The following TNK2 variants were observed in gnomAD, a reference collection of about 807,000 sequenced individuals.
TNK2 encodes tyrosine kinase non receptor 2.
TNK2 carries 83 observed loss-of-function variants against 101.8 expected under a neutral mutation model. That is an observed-to-expected ratio of 0.82 (90% CI 0.68 to 0.98). The LOEUF (loss-of-function observed/expected upper bound fraction) is 0.98. TNK2 is among the 50% of genes least tolerant of loss of function. The pLI is 0.00. For synonymous variants in TNK2, 804 were observed against 633.0 expected (o/e 1.27, Z -4.06); for missense variants, 1,665 against 1,483.2 (o/e 1.12, Z -2.01).
chr3:195,878,867 A>G lies in TNK2; in HGVS notation c.1014+182T>C, dbSNP rs1560506433. 2.0e-5 allele frequency among the ~76,000 whole-genome samples: 3 copies of G among 152,176 alleles called. No individual in the cohort carries two copies. Among genetic ancestry groups the G allele is most frequent in the Non-Finnish European group, 4.4e-5 (3 of 68,026 alleles). On this transcript the variant is annotated intron_variant, in intron 7 of 15. Transcript: ENST00000672887. The surrounding 1 kb of genome is among the most constrained non-coding windows in gnomAD (Gnocchi z 4.7). Reference sequence around the variant, plus strand: ...TCTTTGCTGGGCTCTCCCTGAGGCCATACAGATACGGGGCGTGAGAGGAGA... The same window carrying G: ...TCTTTGCTGGGCTCTCCCTGAGGCCGTACAGATACGGGGCGTGAGAGGAGA...
intron 1 of TNK2, among the ~76,000 whole-genome samples, chr3:195,890,858 CCT>C: frequency 6.6e-6 from 1 of 152,270 alleles, no homozygotes; most frequent in African/African-American, 2.4e-5. Flanking sequence ...AAGGCAACCC[CCT>C]CTCATTATTT....
chr3:195,872,191 G>C, intron 10 of TNK2, 85 bp downstream of exon 10: 2 of 1,450,300 alleles, frequency 1.4e-6, no homozygotes, highest in Non-Finnish European at 1.9e-6. Flanking sequence ...AGGGTGAAGA[G>C]CAGATTCCGC....
In TNK2 at chr3:195,870,120, C is replaced by A. The variant is rs1331730428; in HGVS notation, c.1537G>T (p.Val513Leu). The A allele has an allele frequency of 2.1e-6, 3 of 1,458,912 alleles. No homozygotes were observed. Among genetic ancestry groups the A allele is most frequent in the Non-Finnish European group, 2.7e-6 (3 of 1,100,488 alleles). 90.4% of individuals were successfully genotyped at this position (1,458,912 alleles called of 1,614,324 possible). Reference protein sequence around the residue: ...TSRPPQHLGGVKREPPPRPPQ... With the variant: ...TSRPPQHLGGLKREPPPRPPQ... ...GGAGCAGAGGGGCTCTTACTTTTCA[C>A]CCCTCCTAGATGCTGGGGGGGCCGG... The change falls in exon 11 of 16, where the codon GTG (valine) becomes TTG (leucine). Residue 513 changes from valine (V) to leucine (L), a missense_variant. Physicochemically the swap from Val to Leu is conservative, Grantham distance 32 (BLOSUM62 1). This residue lies in a region of TNK2 where 1,136 missense variants were observed against 894.9 expected (regional missense o/e 1.27). Coordinates refer to ENST00000672887, the MANE Select transcript of TNK2 (RefSeq NM_001382273.1).
chr3:195,866,528 A>C (rs1051490349), intron 15 of TNK2, among the ~76,000 whole-genome samples: 1 of 152,154 alleles, frequency 6.6e-6, no homozygotes, highest in Non-Finnish European at 1.5e-5. Flanking sequence ...ATGTTACTTT[A>C]AACAGAAATA....
rs772347224 is a variant in TNK2, at chr3:195,868,159, G to A, written c.2139C>T (p.Pro713=). 12 of 1,610,794 alleles carry A rather than the reference G, an allele frequency of 7.4e-6. No individual in the cohort carries two copies. Among genetic ancestry groups the A allele is most frequent in the East Asian group, 2.2e-5 (1 of 44,804 alleles). The part of the protein sequence containing the change: ...FLPPQGGGKP[P]SSAQTAEIFQ... ...AGATCTCTGCGGTCTGTGCGGAGCT[G>A]GGCGGCTTGCCCCCACCCTGGGGCG... Residue 713 remains proline (P), a synonymous_variant, in exon 13 of 16, where the codon CCC becomes CCT. Coordinates refer to ENST00000672887, the MANE Select transcript of TNK2 (RefSeq NM_001382273.1).
chr3:195,868,826 T>G, intron 12 of TNK2, 117 bp from the exon 13 acceptor site: 1 of 1,263,668 alleles, frequency 7.9e-7, no homozygotes, highest in Non-Finnish European at 1.0e-6. Flanking sequence ...CACTCCCAAC[T>G]CCCCCCGAGG....
intron 1 of TNK2, among the ~76,000 whole-genome samples, chr3:195,900,263 C>G (rs1761067681): frequency 6.6e-6 from 1 of 151,560 alleles, no homozygotes; most frequent in South Asian, 2.1e-4. Flanking sequence ...AGGAGGGGAA[C>G]AGGCAGGTGC....
In TNK2 at chr3:195,867,559, G is replaced by A; in HGVS notation, c.2739C>T (p.Ser913=). ...CCGTGGGGGCGGCGGGGGCTGGGGTGCTGGGTGGGGGCAGCAGCAGAGGCA... is the reference window on the plus strand; with the variant it reads ...CCGTGGGGGCGGCGGGGGCTGGGGTACTGGGTGGGGGCAGCAGCAGAGGCA... ...LPVPLLLPPP[S]TPAPAAPTAT... Residue 913 remains serine, a synonymous_variant, in exon 13 of 16, where the codon AGC becomes AGT. Coordinates refer to ENST00000672887, the MANE Select transcript of TNK2 (RefSeq NM_001382273.1). The A allele has an allele frequency of 2.6e-6, 4 of 1,563,666 alleles. No individual in the cohort carries two copies. In the South Asian group the frequency reaches 4.6e-5, roughly 18 times the overall value.
intron 12 of TNK2, 53 bp downstream of exon 12, chr3:195,869,444 G>A: frequency 6.6e-7 from 1 of 1,523,712 alleles, no homozygotes; most frequent in Non-Finnish European, 8.9e-7. Flanking sequence ...GGAGAGGAGT[G>A]AGAGAGAGGG....
chr3:195,869,754 A>C, intron 11 of TNK2: 1 of 611,576 alleles, frequency 1.6e-6, no homozygotes, highest in South Asian at 2.0e-5. Flanking sequence ...GGACCGGGAG[A>C]TGGAGGAGGC....
At position 195,886,973 on chromosome 3, in the gene TNK2, C is replaced by T; in HGVS notation, c.234+4G>A. On this transcript the variant is annotated splice_donor_region_variant and intron_variant, in intron 3 of 15. Coordinates refer to ENST00000672887, the MANE Select transcript of TNK2 (RefSeq NM_001382273.1). The surrounding 1 kb of genome is among the most constrained non-coding windows in gnomAD (Gnocchi z 4.2). Reference sequence around the variant, plus strand: ...CCCACCTCCTCACCCACCTCCTCACCCACCTTACTCATCCACGACTTGCGT... The same window carrying T: ...CCCACCTCCTCACCCACCTCCTCACTCACCTTACTCATCCACGACTTGCGT... The T allele has an allele frequency of 6.2e-7, 1 of 1,614,106 alleles. No homozygotes were observed. The highest frequency in any genetic ancestry group is 2.2e-5 in the East Asian group (1 of 44,876).
At chr3:195,879,348 A>G in intron 6 of TNK2, 173 bp from the exon 7 acceptor site, 2 of 907,802 alleles carry the variant, frequency 2.2e-6, no homozygotes, top group Non-Finnish European at 3.2e-6. Flanking sequence ...GACACGATGC[A>G]GGGACTTGGG....
intron 9 of TNK2, chr3:195,876,640 G>A (rs776954302): frequency 8.8e-6 from 4 of 456,080 alleles, no homozygotes; most frequent in East Asian, 7.0e-5. Context: ...ACGGAGGGCA[G>A]GTGCTGTGGT....
intron 9 of TNK2, chr3:195,876,678 G>A (rs1041746169): frequency 2.0e-5 from 9 of 454,512 alleles, no homozygotes; most frequent in African/African-American, 6.0e-5. Flanking sequence ...GGCCCAGGGG[G>A]AAGGAGCCCC....
At position 195,886,824 on chromosome 3, in the gene TNK2, A is replaced by G. The variant is rs1276960674; in HGVS notation, c.234+153T>C. The G allele has an allele frequency of 1.1e-5, 9 of 812,798 alleles. No individual in the cohort carries two copies. The highest frequency in any genetic ancestry group is 6.1e-5 in the South Asian group (4 of 65,234). The allele number at this position is 812,798 out of a possible 1,614,324, so 50.3% of individuals were successfully genotyped here. A position where few individuals can be genotyped will look rare whatever the true frequency, so the allele number is the denominator to read the frequency against. On this transcript the variant is annotated intron_variant, in intron 3 of 15. Transcript: ENST00000672887. The surrounding 1 kb of genome is among the most constrained non-coding windows in gnomAD (Gnocchi z 4.2). ...AGCAGCTCTACAAGTGCCCTGCCCG[A>G]TAAGACCCTGGACGAGGGGGTCCTG...
intron 1 of TNK2, among the ~76,000 whole-genome samples, chr3:195,898,776 C>T (rs1760912750): frequency 6.6e-6 from 1 of 152,218 alleles, no homozygotes. Flanking sequence ...CAAGCACCAG[C>T]CACCATGTCC....
At chr3:195,902,646 TAAAA>T (rs60167945) in intron 1 of TNK2, among the ~76,000 whole-genome samples, 2 of 120,472 alleles carry the variant, frequency 1.7e-5, no homozygotes, top group South Asian at 2.8e-4. Flanking sequence ...AAAACAAACA[TAAAA>T]AAAAAAAAAA....
intron 1 of TNK2, chr3:195,892,374 C>T (rs1239830360): frequency 2.7e-6 from 4 of 1,506,088 alleles, no homozygotes; most frequent in African/African-American, 2.8e-5. Context: ...AGGAGCCCAA[C>T]CAGTCCCCAG....
intron 12 of TNK2, chr3:195,869,173 C>T (rs988498839): frequency 9.0e-6 from 5 of 556,786 alleles, no homozygotes; most frequent in African/African-American, 5.7e-5. Context: ...GCCACAAAGC[C>T]CAGACAGCGC....
Sources: gnomAD v4.1 joint callset for allele counts (sites outside exome capture counted in the v4.1 genomes callset) on GRCh38, gnomAD v4.1.1 for gene constraint, gnomAD v4.1.1 regional missense constraint, Gnocchi (gnomAD v3.1) non-coding constraint, MANE v1.5 for transcripts, NCBI Gene and HGNC (gene_info 2026-07-23, HGNC 2026-07-21) for gene names.